EP400: variants seen among roughly 807,000 people sequenced by gnomAD.
EP400 encodes E1A-binding protein p400.
In EP400, 105 loss-of-function variants were observed where a neutral mutation model predicts 354.1. The ratio of observed to expected loss-of-function variants is 0.30; its 90% CI spans 0.25 to 0.35. The LOEUF (loss-of-function observed/expected upper bound fraction) is 0.35, where lower values mean the gene tolerates loss of function less well. EP400 is among the 10% of genes least tolerant of loss of function. The probability of loss-of-function intolerance (pLI) is 1.00; values close to 1 mark genes in which losing one functional copy is unlikely to be tolerated. For missense variants in EP400, 3,280 were observed against 4,121.0 expected (o/e 0.80, Z 5.59); for synonymous variants, 1,646 against 1,716.9 (o/e 0.96, Z 1.02).
At chr12:132,042,722 T>C (rs1894955746) in intron 32 of EP400, among the ~76,000 whole-genome samples, 2 of 152,228 alleles carry the variant, frequency 1.3e-5, no homozygotes, top group South Asian at 4.1e-4. Flanking sequence ...TAACTATAGA[T>C]GTGTGTTCCT....
At chr12:132,062,410 G>T in intron 46 of EP400, 56 bp from the exon 47 acceptor site, 1 of 1,610,448 alleles carries the variant, frequency 6.2e-7, no homozygotes, top group Admixed American at 1.7e-5. Context: ...TGAGAATGAG[G>T]ATCTGAAGGT....
At position 132,013,260 on chromosome 12, in the gene EP400, G is replaced by A; in HGVS notation, c.3611+82G>A. Reference sequence around the variant, plus strand: ...TCTTGAAGAAATCTGCATAATTGCAGACACAAACAATGGCCTTTGAGCTAG... The same window carrying A: ...TCTTGAAGAAATCTGCATAATTGCAAACACAAACAATGGCCTTTGAGCTAG... On this transcript the variant is annotated intron_variant, in intron 17 of 52. Transcript: ENST00000389561. This position sits in a 1 kb window ranked among gnomAD's most constrained non-coding sequence, Gnocchi z 4.5. 1 of 1,501,074 alleles carries A rather than the reference G, an allele frequency of 6.7e-7. No homozygotes were observed. Among genetic ancestry groups the A allele is most frequent in the Non-Finnish European group, 8.9e-7 (1 of 1,119,720 alleles). 93.0% of individuals were successfully genotyped at this position (1,501,074 alleles called of 1,614,324 possible).
At chr12:132,037,048 T>C (rs1894743077) in intron 30 of EP400, among the ~76,000 whole-genome samples, 2 of 152,200 alleles carry the variant, frequency 1.3e-5, no homozygotes, top group Non-Finnish European at 2.9e-5. Context: ...GTTTAGCATT[T>C]AGCATTTTAC....
At chr12:131,996,603 C>CT (rs956330866) in intron 12 of EP400, among the ~76,000 whole-genome samples, 1 of 152,060 alleles carries the variant, frequency 6.6e-6, no homozygotes, top group Non-Finnish European at 1.5e-5. Flanking sequence ...AGAAGGAACT[C>CT]TTTTTAAAAA....
At chr12:131,981,747 G>T in intron 4 of EP400, 151 bp downstream of exon 4, 3 of 672,066 alleles carry the variant, frequency 4.5e-6, no homozygotes, top group Non-Finnish European at 5.1e-6. Flanking sequence ...AGTCCCAGTC[G>T]ATATCATATG....
At chr12:132,065,053 C>T (rs1043272887) in intron 48 of EP400, 167 bp downstream of exon 48, 26 of 1,258,988 alleles carry the variant, frequency 2.1e-5, no homozygotes, top group Admixed American at 5.6e-5. Context: ...ACTCACCACT[C>T]GTGGAACATT....
rs1895487502 is a variant in EP400 at position 132,055,764 on chromosome 12, G to GTGTA, written c.7884+559_7884+560insATGT. Among the ~76,000 whole-genome samples the GTGTA allele has an allele frequency of 2.0e-5, 3 of 151,728 alleles. No individual in the cohort carries two copies. In the South Asian group the frequency reaches 6.2e-4, roughly 31 times the overall value. On this transcript the variant is annotated intron_variant, in intron 45 of 52. Transcript: ENST00000389561. ...GAAGTGTAGGAGGGTATGTGTGTGTGTGTGTGTGAACTGTCCCCTCCCTGT... is the reference window on the plus strand; with the variant it reads ...GAAGTGTAGGAGGGTATGTGTGTGTGTGTATGTGTGTGAACTGTCCCCTCCCTGT...
intron 16 of EP400, 43 bp from the exon 17 acceptor site, chr12:132,012,964 GAC>G (rs746205559): frequency 2.0e-6 from 3 of 1,511,106 alleles, no homozygotes; most frequent in Admixed American, 4.1e-5. Context: ...GATTTTGAAA[GAC>G]AGTGGAGTGT....
Position 132,077,835 on chromosome 12 carries a change from C to A in EP400, c.*162C>A. On this transcript the variant is annotated 3_prime_UTR_variant, in exon 53 of 53. Coordinates refer to ENST00000389561, the MANE Select transcript of EP400 (RefSeq NM_015409.5). Reference sequence around the variant, plus strand: ...TCATTTTATTAAAATGCATCCCACACTGCAGGACAAATGGTCCTTATGGAG... The same window carrying A: ...TCATTTTATTAAAATGCATCCCACAATGCAGGACAAATGGTCCTTATGGAG... The A allele has an allele frequency of 6.3e-6, 6 of 959,974 alleles. No individual in the cohort carries two copies. Among genetic ancestry groups the A allele is most frequent in the Admixed American group, 2.9e-5 (1 of 33,962 alleles). 59.5% of individuals were successfully genotyped at this position (959,974 alleles called of 1,614,324 possible). A position where few individuals can be genotyped will look rare whatever the true frequency, so the allele number is the denominator to read the frequency against.
chr12:132,037,666 C>A lies in EP400; in HGVS notation c.5952-16C>A. 1 of 1,606,538 alleles carries A rather than the reference C, an allele frequency of 6.2e-7. No individual in the cohort carries two copies. The highest frequency in any genetic ancestry group is 8.5e-7 in the Non-Finnish European group (1 of 1,172,980). On this transcript the variant is annotated splice_polypyrimidine_tract_variant and intron_variant, in intron 30 of 52. Coordinates refer to ENST00000389561, the MANE Select transcript of EP400 (RefSeq NM_015409.5). ...TCCTGGTGACTGACTTAGCATCTTA[C>A]ATCTTTTGTTTGCAGGCTTGTGAGT... is the stretch of plus-strand genomic sequence containing the variant.
chr12:131,999,762 G>A (rs995306789), intron 12 of EP400, among the ~76,000 whole-genome samples: 6 of 152,050 alleles, frequency 3.9e-5, no homozygotes, highest in African/African-American at 1.2e-4. Flanking sequence ...TGAGGAATAT[G>A]ACTTTTTCTT....
chr12:131,953,355 C>A (rs762133912), intron 1 of EP400, among the ~76,000 whole-genome samples: 1 of 152,214 alleles, frequency 6.6e-6, no homozygotes, highest in African/African-American at 2.4e-5. Flanking sequence ...TCTTGAACTT[C>A]TCTCACAAGC....
chr12:132,028,778 G>A (rs1894390010), intron 27 of EP400, among the ~76,000 whole-genome samples: 1 of 152,138 alleles, frequency 6.6e-6, no homozygotes, highest in East Asian at 1.9e-4. Context: ...GCGTTACCCT[G>A]TTTGCATTTC....
At chr12:132,001,187 G>A (rs998001978) in intron 12 of EP400, among the ~76,000 whole-genome samples, 2 of 152,164 alleles carry the variant, frequency 1.3e-5, no homozygotes, top group African/African-American at 4.8e-5. Context: ...CCAAGACGCG[G>A]AGACTGGTAG....
intron 48 of EP400, chr12:132,066,171 G>C (rs575088194): frequency 2.0e-5 from 3 of 152,112 alleles, no homozygotes; most frequent in South Asian, 4.1e-4. Flanking sequence ...ACACTTTCAC[G>C]GTGAGCCACA....
At chr12:132,060,909 C>T (rs573500563) in intron 45 of EP400, among the ~76,000 whole-genome samples, 188 of 100,660 alleles carry the variant, frequency 1.9e-3, no homozygotes, top group Non-Finnish European at 2.8e-3. Flanking sequence ...AGCAAGACTC[C>T]GTCTCAAAAA....
At position 132,064,846 on chromosome 12, in the gene EP400, T is replaced by C; in HGVS notation, c.8513T>C (p.Leu2838Pro). 1.2e-6 allele frequency: 2 copies of C among 1,611,788 alleles called. No individual in the cohort carries two copies. The highest frequency in any genetic ancestry group is 8.5e-7 in the Non-Finnish European group (1 of 1,179,446). The change falls in exon 48 of 53, where the codon CTG (leucine) becomes CCG (proline). Residue 2838 changes from leucine to proline, a missense_variant. Physicochemically the swap from Leu to Pro is moderately conservative, Grantham distance 98. This residue lies in a region of EP400 where 279 missense variants were observed against 386.7 expected (regional missense o/e 0.72). Transcript: ENST00000389561. ...ACGGCCCCAAGGCCTGGTGCCCTGC[T>C]GACGGGCACCACCGTGGCCAACCTC... ...TVTAPRPGALLTGTTVANLQV... is the reference protein window; with the variant it reads ...TVTAPRPGALPTGTTVANLQV...
intron 2 of EP400, among the ~76,000 whole-genome samples, chr12:131,965,522 C>T: frequency 6.6e-6 from 1 of 152,158 alleles, no homozygotes; most frequent in Non-Finnish European, 1.5e-5. Context: ...CAGTAAAATG[C>T]ACTGTTTTTT....
intron 19 of EP400, among the ~76,000 whole-genome samples, chr12:132,015,549 C>G (rs1216730596): frequency 2.0e-5 from 3 of 152,184 alleles, no homozygotes; most frequent in Admixed American, 2.0e-4. Flanking sequence ...GTGGTTGTGC[C>G]CACACAATAT....
Sources: allele counts gnomAD v4.1 joint callset (sites outside exome capture counted in the v4.1 genomes callset), GRCh38; gene constraint gnomAD v4.1.1; regional missense constraint gnomAD v4.1.1; non-coding constraint Gnocchi (gnomAD v3.1); transcripts MANE v1.5; gene names NCBI Gene and HGNC (gene_info 2026-07-23, HGNC 2026-07-21).